Variants in SENP1 observed in about 807,000 individuals in gnomAD.
SENP1 encodes SUMO specific peptidase 1.
In SENP1, 21 loss-of-function variants were observed where a neutral mutation model predicts 93.0. That is an observed-to-expected ratio of 0.23 (90% CI 0.16 to 0.33). The LOEUF (loss-of-function observed/expected upper bound fraction) is 0.33, where lower values mean the gene tolerates loss of function less well. Ranked by LOEUF, SENP1 falls within the 10% of genes least tolerant of loss-of-function variation. The pLI, the probability that SENP1 is intolerant of heterozygous loss-of-function variation, is 1.00. For synonymous variants in SENP1, 256 were observed against 259.6 expected (o/e 0.99, Z 0.13); for missense variants, 591 against 758.7 (o/e 0.78, Z 2.60).
chr12:48,065,704 C>T (rs1330970338), intron 10 of SENP1, 24 bp from the exon 11 acceptor site: 4 of 1,432,562 alleles, frequency 2.8e-6, no homozygotes, highest in Non-Finnish European at 3.8e-6. Context: ...AGGAACGTGA[C>T]CAAATGTAGA....
At chr12:48,076,028 G>A (rs1944045399) in intron 6 of SENP1, among the ~76,000 whole-genome samples, 2 of 152,158 alleles carry the variant, frequency 1.3e-5, no homozygotes, top group Admixed American at 1.3e-4. Flanking sequence ...AGGAAGAAAT[G>A]AGATCACCTG....
Position 48,043,940 on chromosome 12 carries a change from T to C in SENP1, c.*1382A>G, listed in dbSNP as rs1301642842. ...GAGGAGAAAAGATTTCATACAAAAC[T>C]ACCTATTACAATACAGAAAAAAGTA... On this transcript the variant is annotated 3_prime_UTR_variant, in exon 18 of 18. Transcript: ENST00000549518. 7.2e-5 allele frequency: 11 copies of C among 152,532 alleles called. No individual in the cohort carries two copies. Among genetic ancestry groups the C allele is most frequent in the Admixed American group, 7.2e-4 (11 of 15,264 alleles). 9.4% of individuals were successfully genotyped at this position (152,532 alleles called of 1,614,324 possible).
intron 13 of SENP1, among the ~76,000 whole-genome samples, chr12:48,056,403 TATA>T (rs1252804348): frequency 2.7e-5 from 3 of 109,196 alleles, no homozygotes; most frequent in Non-Finnish European, 5.1e-5. Flanking sequence ...ATATTACATA[TATA>T]ATTATTTAAT....
chr12:48,084,271 C>G (rs1470679209), intron 5 of SENP1, among the ~76,000 whole-genome samples: 1 of 152,138 alleles, frequency 6.6e-6, no homozygotes, highest in African/African-American at 2.4e-5. Context: ...GGGCTCCCAT[C>G]CTTCATTAAA....
chr12:48,089,035 C>T (rs1449085468), intron 4 of SENP1, 75 bp from the exon 5 acceptor site: 1 of 1,532,992 alleles, frequency 6.5e-7, no homozygotes, highest in African/African-American at 1.4e-5. Context: ...CCATGACCAA[C>T]CATTGTATTC....
chr12:48,089,446 G>A (rs1852153553), intron 4 of SENP1, among the ~76,000 whole-genome samples: 3 of 152,220 alleles, frequency 2.0e-5, no homozygotes, highest in African/African-American at 4.8e-5. Flanking sequence ...CTCTCAAAGA[G>A]CAGAGATAAC....
intron 5 of SENP1, 53 bp downstream of exon 5, chr12:48,088,748 C>T: frequency 6.5e-7 from 1 of 1,532,794 alleles, no homozygotes; most frequent in Non-Finnish European, 8.9e-7. Flanking sequence ...CTTTTAGTCA[C>T]TTTCTCTTAT....
chr12:48,069,145 T>C (rs1201755053), intron 9 of SENP1, among the ~76,000 whole-genome samples: 1 of 80,964 alleles, frequency 1.2e-5, no homozygotes, highest in Non-Finnish European at 2.1e-5. Flanking sequence ...AGAGCAAGAC[T>C]CTGTCACAAA....
At chr12:48,065,392 A>T (rs1943231681) in intron 11 of SENP1, among the ~76,000 whole-genome samples, 172 bp from the exon 12 acceptor site, 1 of 152,212 alleles carries the variant, frequency 6.6e-6, no homozygotes, top group Non-Finnish European at 1.5e-5. Context: ...CATCACAAGT[A>T]GGGGACTATC....
chr12:48,073,454 G>A (rs1485864911), intron 8 of SENP1, among the ~76,000 whole-genome samples: 1 of 151,580 alleles, frequency 6.6e-6, no homozygotes, highest in Admixed American at 6.6e-5. Flanking sequence ...GAGAAAGGAG[G>A]GGAAAGACTA....
intron 9 of SENP1, among the ~76,000 whole-genome samples, chr12:48,067,773 G>C (rs558252219): frequency 4.9e-4 from 74 of 151,936 alleles, no homozygotes; most frequent in African/African-American, 1.8e-3. Context: ...AAGAGTTCAA[G>C]ACCAGCCTGG....
chr12:48,060,267 TA>T (rs1942871111), intron 13 of SENP1, among the ~76,000 whole-genome samples: 1 of 152,236 alleles, frequency 6.6e-6, no homozygotes, highest in South Asian at 2.1e-4. Flanking sequence ...GAAGCAAAAG[TA>T]AGTTTTATTT....
intron 4 of SENP1, among the ~76,000 whole-genome samples, chr12:48,089,457 C>CT (rs996220447): frequency 1.1e-4 from 17 of 152,326 alleles, no homozygotes; most frequent in African/African-American, 4.1e-4. Context: ...CAGAGATAAC[C>CT]TAATTGCTGC....
intron 16 of SENP1, among the ~76,000 whole-genome samples, 155 bp downstream of exon 16, chr12:48,046,823 G>T (rs544963129): frequency 1.3e-5 from 2 of 151,936 alleles, no homozygotes; most frequent in African/African-American, 4.8e-5. Context: ...CTTTTCCTAC[G>T]GATAGCTTAA....
rs58188197 is a variant in SENP1, at chr12:48,075,216, AAAAACAAAAC to A, written c.553-433_553-424del. On this transcript the variant is annotated intron_variant, in intron 6 of 17. Transcript: ENST00000549518. ...GGGGGCAGAGCAAGACTCTGTCTCAAAAAACAAAACAAAACAAAACAAAACAAAACAAAAC... is the reference window on the plus strand; with the variant it reads ...GGGGGCAGAGCAAGACTCTGTCTCAAAAAACAAAACAAAACAAAACAAAAC... Among the ~76,000 whole-genome samples, 266 of 150,448 alleles carry A rather than the reference AAAAACAAAAC, an allele frequency of 1.8e-3. 1 individual carries two copies. Among genetic ancestry groups the A allele is most frequent in the East Asian group, 4.2e-3 (21 of 5,036 alleles).
At chr12:48,089,956 T>C (rs1175149783) in intron 4 of SENP1, among the ~76,000 whole-genome samples, 1 of 152,220 alleles carries the variant, frequency 6.6e-6, no homozygotes, top group Admixed American at 6.5e-5. Context: ...TCTATCCAAA[T>C]AGGCAGCCTT....
At chr12:48,068,122 C>T (rs1441269456) in intron 9 of SENP1, among the ~76,000 whole-genome samples, 1 of 152,144 alleles carries the variant, frequency 6.6e-6, no homozygotes. Context: ...GATCCATCCA[C>T]CTTGGCCTTC....
intron 14 of SENP1, 59 bp from the exon 15 acceptor site, chr12:48,048,139 T>G (rs1941514315): frequency 1.7e-6 from 2 of 1,159,640 alleles, no homozygotes; most frequent in South Asian, 1.3e-5. Context: ...GTTTATCAGT[T>G]TTTCCCTTCC....
chr12:48,070,213 T>C (rs993170950), intron 9 of SENP1, among the ~76,000 whole-genome samples: 3 of 152,226 alleles, frequency 2.0e-5, no homozygotes, highest in African/African-American at 7.2e-5. Context: ...AAATGCTTAT[T>C]GTATTTGCAA....
Sources: allele counts gnomAD v4.1 joint callset (sites outside exome capture counted in the v4.1 genomes callset), GRCh38; gene constraint gnomAD v4.1.1; transcripts MANE v1.5; gene names NCBI Gene and HGNC (gene_info 2026-07-23, HGNC 2026-07-21).